MTHFD1L: variants seen among roughly 807,000 people sequenced by gnomAD.
MTHFD1L encodes monofunctional C1-tetrahydrofolate synthase, mitochondrial.
Under a neutral mutation model 119.5 loss-of-function variants are expected in MTHFD1L, and 81 were observed. That is an observed-to-expected ratio of 0.68 (90% CI 0.57 to 0.82). The LOEUF is 0.82. Ranked by LOEUF, MTHFD1L falls within the 40% of genes least tolerant of loss-of-function variation. MTHFD1L has a pLI of 0.00. For missense variants in MTHFD1L, 1,125 were observed against 1,253.4 expected (o/e 0.90, Z 1.55); for synonymous variants, 430 against 475.2 (o/e 0.90, Z 1.24).
chr6:151,090,765 A>G (rs147710872), intron 26 of MTHFD1L, among the ~76,000 whole-genome samples: 1,779 of 151,868 alleles, frequency 0.012, 19 homozygotes, highest in Non-Finnish European at 0.017. Flanking sequence ...TGGAGGTTCT[A>G]CATGATATGG....
intron 21 of MTHFD1L, among the ~76,000 whole-genome samples, chr6:151,011,386 A>C (rs1782185611): frequency 6.6e-6 from 1 of 150,400 alleles, no homozygotes; most frequent in Middle Eastern, 3.2e-3. Context: ...TGCCACCCTG[A>C]AAATTATAGA....
At position 150,946,938 on chromosome 6, in the gene MTHFD1L, G is replaced by A. The variant is rs1562432864; in HGVS notation, c.1623+1397G>A. ...AAAATACAAAAAATTAGCCGGGCGT[G>A]GTGGCAGGCGCCTGTAGTCCCAGCT... is the stretch of plus-strand genomic sequence containing the variant. On this transcript the variant is annotated intron_variant, in intron 15 of 27. Coordinates refer to ENST00000367321, the MANE Select transcript of MTHFD1L (RefSeq NM_015440.5). Among the ~76,000 whole-genome samples, 13 of 151,594 alleles carry A rather than the reference G, an allele frequency of 8.6e-5. 1 individual carries two copies. The South Asian group carries it at 2.7e-3, about 32-fold the overall frequency.
chr6:150,897,763 T>G (rs959469795), intron 7 of MTHFD1L, among the ~76,000 whole-genome samples: 21 of 152,244 alleles, frequency 1.4e-4, no homozygotes, highest in African/African-American at 5.1e-4. Flanking sequence ...CATTTGCTTT[T>G]CTGCACTATC....
rs61748674 is a variant in MTHFD1L, at chr6:150,949,095, G to T, written c.1688G>T (p.Arg563Leu). The T allele has an allele frequency of 1.9e-6, 3 of 1,614,018 alleles. No homozygotes were observed. The highest frequency in any genetic ancestry group is 2.2e-5 in the East Asian group (1 of 44,870). The change falls in exon 16 of 28, where the codon CGT (arginine) becomes CTT (leucine). Residue 563 changes from arginine (R) to leucine (L), a missense_variant. Transcript: ENST00000367321. ...LTEEEVSKFA[R>L]LDIDPSTITW... is the part of the protein sequence containing the mutation. ...GAAGAGGAAGTGAGTAAATTTGCCC[G>T]TCTCGACATCGACCCATCTACCATC... is the stretch of plus-strand genomic sequence containing the variant.
At chr6:150,935,120 A>G (rs1791830493) in intron 11 of MTHFD1L, 1 of 1,613,836 alleles carries the variant, frequency 6.2e-7, no homozygotes, top group Non-Finnish European at 8.5e-7. Context: ...CATACCTACC[A>G]AAGGATTTAA....
chr6:151,057,897 G>A (rs905742777), intron 26 of MTHFD1L, among the ~76,000 whole-genome samples: 6 of 152,128 alleles, frequency 3.9e-5, no homozygotes, highest in Non-Finnish European at 5.9e-5. Context: ...TCCTGCCTCA[G>A]CCTCCCAAGT....
At chr6:151,092,622 T>C (rs1794552457) in intron 27 of MTHFD1L, 35 bp downstream of exon 27, 1 of 1,359,626 alleles carries the variant, frequency 7.4e-7, no homozygotes, top group Non-Finnish European at 1.0e-6. Flanking sequence ...TCTCTCTTTG[T>C]TTTTTTCCAG....
In MTHFD1L at chr6:150,882,894, A is replaced by G; in HGVS notation, c.542+8A>G. 6.4e-7 allele frequency: 1 copy of G among 1,562,492 alleles called. No homozygotes were observed. The highest frequency in any genetic ancestry group is 8.6e-7 in the Non-Finnish European group (1 of 1,164,388). On this transcript the variant is annotated splice_region_variant and intron_variant, in intron 5 of 27. Coordinates refer to ENST00000367321, the MANE Select transcript of MTHFD1L (RefSeq NM_015440.5). ...AGAAAAAGATGTGGATGGGTAAGAA[A>G]ATAAAATCAAATAATCAACCTTTAT...
chr6:150,987,371 C>A (rs1269956409), intron 20 of MTHFD1L, among the ~76,000 whole-genome samples: 1 of 152,208 alleles, frequency 6.6e-6, no homozygotes, highest in East Asian at 1.9e-4. Flanking sequence ...GCAGAAGTGA[C>A]TTCTGTAATG....
At chr6:151,089,531 A>T (rs1010304441) in intron 26 of MTHFD1L, among the ~76,000 whole-genome samples, 5 of 152,194 alleles carry the variant, frequency 3.3e-5, no homozygotes, top group African/African-American at 1.2e-4. Flanking sequence ...TGAACCCGGG[A>T]GGTGGAGATT....
intron 20 of MTHFD1L, among the ~76,000 whole-genome samples, chr6:150,998,594 C>A (rs57017089): frequency 0.2 from 29,400 of 149,438 alleles, 3,004 homozygotes; most frequent in Middle Eastern, 0.29. Context: ...AACATGATGC[C>A]ACCAGTGGAA....
At chr6:151,075,164 C>A (rs1030110196) in intron 26 of MTHFD1L, among the ~76,000 whole-genome samples, 2 of 151,930 alleles carry the variant, frequency 1.3e-5, no homozygotes, top group African/African-American at 4.8e-5. Context: ...TATCGATAAT[C>A]ACACTAGATA....
At chr6:150,963,440 A>AC (rs970069409) in intron 18 of MTHFD1L, among the ~76,000 whole-genome samples, 1 of 152,262 alleles carries the variant, frequency 6.6e-6, no homozygotes, top group Non-Finnish European at 1.5e-5. Context: ...TAATCATTCC[A>AC]CAGCATATAC....
intron 26 of MTHFD1L, among the ~76,000 whole-genome samples, chr6:151,040,814 T>C (rs1278289059): frequency 1.3e-5 from 2 of 152,250 alleles, no homozygotes; most frequent in African/African-American, 2.4e-5. Flanking sequence ...AACGCCACCA[T>C]ATCCAACACT....
intron 21 of MTHFD1L, among the ~76,000 whole-genome samples, chr6:151,012,585 G>A (rs1014910264): frequency 4.6e-5 from 7 of 151,738 alleles, no homozygotes; most frequent in African/African-American, 7.3e-5. Context: ...CAGAGTGCTC[G>A]GCCATTCCCA....
At chr6:151,098,999 A>T (rs1194231394) in intron 27 of MTHFD1L, among the ~76,000 whole-genome samples, 5 of 152,108 alleles carry the variant, frequency 3.3e-5, no homozygotes, top group Non-Finnish European at 5.9e-5. Flanking sequence ...AACATGGTGA[A>T]ACCCCATCTC....
chr6:150,896,394 C>T (rs1034136639), intron 7 of MTHFD1L, among the ~76,000 whole-genome samples: 1 of 152,124 alleles, frequency 6.6e-6, no homozygotes, highest in Non-Finnish European at 1.5e-5. Flanking sequence ...TGGTGAGCAC[C>T]TTCGGAGAGG....
Position 150,877,743 on chromosome 6 carries a change from G to A in MTHFD1L, c.364-30G>A, listed in dbSNP as rs143881891. ...ACTTTTAACAATACATTCTCTTATAGTGACGAATAACCTTGTGTTCCTTTT... is the reference window on the plus strand; with the variant it reads ...ACTTTTAACAATACATTCTCTTATAATGACGAATAACCTTGTGTTCCTTTT... On this transcript the variant is annotated intron_variant, in intron 3 of 27. Coordinates refer to ENST00000367321, the MANE Select transcript of MTHFD1L (RefSeq NM_015440.5). 1.5e-4 allele frequency: 244 copies of A among 1,614,202 alleles called. No individual in the cohort carries two copies. In the African/African-American group the frequency reaches 3.1e-3, roughly 20 times the overall value.
At chr6:151,032,404 C>A (rs1785464981) in intron 24 of MTHFD1L, among the ~76,000 whole-genome samples, 1 of 152,074 alleles carries the variant, frequency 6.6e-6, no homozygotes, top group Non-Finnish European at 1.5e-5. Context: ...ACAAGCAGAC[C>A]TCCTGAGAAC....
Sources: allele counts gnomAD v4.1 joint callset (sites outside exome capture counted in the v4.1 genomes callset), GRCh38; gene constraint gnomAD v4.1.1; transcripts MANE v1.5; gene names NCBI Gene and HGNC (gene_info 2026-07-23, HGNC 2026-07-21).